Variants in GALNT2 observed in about 807,000 individuals in gnomAD.
GALNT2 encodes the protein polypeptide N-acetylgalactosaminyltransferase 2.
In GALNT2, 31 loss-of-function variants were observed where a neutral mutation model predicts 81.4. That is an observed-to-expected ratio of 0.38 (90% CI 0.29 to 0.51). The LOEUF is 0.51. GALNT2 is among the 20% of genes least tolerant of loss of function. The probability of loss-of-function intolerance (pLI) is 0.87; values close to 1 mark genes in which losing one functional copy is unlikely to be tolerated. For missense variants in GALNT2, 629 were observed against 765.7 expected (o/e 0.82, Z 2.11); for synonymous variants, 303 against 287.4 (o/e 1.05, Z -0.55).
intron 1 of GALNT2, among the ~76,000 whole-genome samples, chr1:230,169,536 A>T (rs1662725768): frequency 6.6e-6 from 1 of 152,208 alleles, no homozygotes; most frequent in Non-Finnish European, 1.5e-5. Flanking sequence ...TTTAAATAGG[A>T]GGATTTTTGT....
chr1:230,176,117 T>C (rs1430850046), intron 1 of GALNT2, among the ~76,000 whole-genome samples: 1 of 152,096 alleles, frequency 6.6e-6, no homozygotes, highest in East Asian at 1.9e-4. Flanking sequence ...GAACTCACCC[T>C]GCACTAGTTT....
At position 230,249,720 on chromosome 1, in the gene GALNT2, G is replaced by T. The variant is rs180857559; in HGVS notation, c.905+449G>T. ...CCCAGGCCGGGCGGTGGGCTTTCTGGTTGAGAGTCAGGATGCCTTCTCTAG... is the reference window on the plus strand; with the variant it reads ...CCCAGGCCGGGCGGTGGGCTTTCTGTTTGAGAGTCAGGATGCCTTCTCTAG... On this transcript the variant is annotated intron_variant, in intron 9 of 15. Coordinates refer to ENST00000366672, the MANE Select transcript of GALNT2 (RefSeq NM_004481.5). Among the ~76,000 whole-genome samples, 11 of 152,314 alleles carry T rather than the reference G, an allele frequency of 7.2e-5. No homozygotes were observed. The East Asian group carries it at 1.9e-3, about 27-fold the overall frequency.
At chr1:230,114,973 C>G (rs552591142) in intron 1 of GALNT2, among the ~76,000 whole-genome samples, 1 of 151,150 alleles carries the variant, frequency 6.6e-6, no homozygotes, top group African/African-American at 2.4e-5. Flanking sequence ...ATCCTTAAGT[C>G]TCCCAAGTCC....
chr1:230,243,500 C>G lies in GALNT2; in HGVS notation c.729+73C>G. 1.3e-6 allele frequency: 2 copies of G among 1,562,230 alleles called. No homozygotes were observed. Among genetic ancestry groups the G allele is most frequent in the Non-Finnish European group, 1.7e-6 (2 of 1,159,080 alleles). ...AGAGGGGACAGAAGGGAGCATGGTCCAGGGGAGGTGTAACGCAGGGAGTAG... is the reference window on the plus strand; with the variant it reads ...AGAGGGGACAGAAGGGAGCATGGTCGAGGGGAGGTGTAACGCAGGGAGTAG... On this transcript the variant is annotated intron_variant, in intron 7 of 15. Coordinates refer to ENST00000366672, the MANE Select transcript of GALNT2 (RefSeq NM_004481.5). This position sits in a 1 kb window ranked among gnomAD's most constrained non-coding sequence, Gnocchi z 4.2.
intron 1 of GALNT2, among the ~76,000 whole-genome samples, chr1:230,105,043 G>A (rs527783499): frequency 1.3e-5 from 2 of 152,330 alleles, no homozygotes; most frequent in East Asian, 3.9e-4. Flanking sequence ...CTCTGTTTGG[G>A]GCCCTTCCTG....
In GALNT2 at chr1:230,204,767, G is replaced by A. The variant is rs116768486; in HGVS notation, c.374+1477G>A. On this transcript the variant is annotated intron_variant, in intron 3 of 15. Coordinates refer to ENST00000366672, the MANE Select transcript of GALNT2 (RefSeq NM_004481.5). ...CTTGGTATATCTTCCTGCTAAGTTA[G>A]AGTCATTCATTCATCAGTGAATGGA... is the stretch of plus-strand genomic sequence containing the variant. Among the ~76,000 whole-genome samples the A allele has an allele frequency of 5.5e-3, 833 of 152,296 alleles. 7 individuals carry two copies. The highest frequency in any genetic ancestry group is 0.019 in the African/African-American group (795 of 41,544).
chr1:230,131,774 A>C (rs1021206810), intron 1 of GALNT2, among the ~76,000 whole-genome samples: 1 of 152,204 alleles, frequency 6.6e-6, no homozygotes, highest in African/African-American at 2.4e-5. Flanking sequence ...TGATCAACTC[A>C]GTATACCACT....
chr1:230,267,801 G>A (rs1014006164), intron 14 of GALNT2, among the ~76,000 whole-genome samples: 2 of 152,186 alleles, frequency 1.3e-5, no homozygotes, highest in East Asian at 3.9e-4. Flanking sequence ...CATCCCCACC[G>A]TGTCCATGCT....
intron 15 of GALNT2, among the ~76,000 whole-genome samples, chr1:230,277,712 G>T (rs1001641756): frequency 2.6e-5 from 4 of 152,144 alleles, no homozygotes; most frequent in Non-Finnish European, 5.9e-5. Context: ...CGCAGGTCGG[G>T]TCCCCAGCAC....
At chr1:230,061,536 A>G (rs1040332730) in intron 1 of GALNT2, among the ~76,000 whole-genome samples, 21 of 152,170 alleles carry the variant, frequency 1.4e-4, no homozygotes, top group African/African-American at 5.1e-4. Context: ...TTATTCATTT[A>G]TAATATAATT....
At chr1:230,120,279 C>T (rs1158537761) in intron 1 of GALNT2, among the ~76,000 whole-genome samples, 2 of 152,172 alleles carry the variant, frequency 1.3e-5, no homozygotes, top group Admixed American at 1.3e-4. Flanking sequence ...CCTGTCTTTT[C>T]TCAAAGTTCC....
intron 6 of GALNT2, among the ~76,000 whole-genome samples, chr1:230,238,079 C>G (rs1665087073): frequency 6.6e-6 from 1 of 152,132 alleles, no homozygotes; most frequent in South Asian, 2.1e-4. Flanking sequence ...TATGGAAAGC[C>G]TATATGGAAC....
intron 2 of GALNT2, among the ~76,000 whole-genome samples, chr1:230,186,540 A>G (rs141643633): frequency 5.3e-5 from 8 of 152,374 alleles, no homozygotes; most frequent in Non-Finnish European, 1.0e-4. Context: ...TGTTGTGTGG[A>G]TTAATGAGAG....
At chr1:230,149,329 G>C (rs927746458) in intron 1 of GALNT2, among the ~76,000 whole-genome samples, 1 of 152,194 alleles carries the variant, frequency 6.6e-6, no homozygotes, top group African/African-American at 2.4e-5. Flanking sequence ...GTGTGGTTGA[G>C]CACTGGGTTC....
In GALNT2 at chr1:230,193,007, G is replaced by A. The variant is rs528717293; in HGVS notation, c.221-10130G>A. ...GGTGTAGCATTATGACCTTCTAGAGGAAGAATATTAGGATTTTTTTTCTTT... is the reference window on the plus strand; with the variant it reads ...GGTGTAGCATTATGACCTTCTAGAGAAAGAATATTAGGATTTTTTTTCTTT... On this transcript the variant is annotated intron_variant, in intron 2 of 15. Transcript: ENST00000366672. The surrounding 1 kb of genome is among the most constrained non-coding windows in gnomAD (Gnocchi z 4.3). Among the ~76,000 whole-genome samples the A allele has an allele frequency of 6.6e-6, 1 of 152,306 alleles. No individual in the cohort carries two copies. Among genetic ancestry groups the A allele is most frequent in the East Asian group, 1.9e-4 (1 of 5,184 alleles).
At chr1:230,107,402 GTC>G (rs1469931297) in intron 1 of GALNT2, among the ~76,000 whole-genome samples, 2 of 152,116 alleles carry the variant, frequency 1.3e-5, no homozygotes, top group Non-Finnish European at 2.9e-5. Context: ...GCAAGATCCT[GTC>G]TCTACAAAAA....
chr1:230,200,062 CTTT>C (rs34212427), intron 2 of GALNT2, among the ~76,000 whole-genome samples: 12,662 of 113,262 alleles, frequency 0.11, 558 homozygotes, highest in South Asian at 0.15. Context: ...TCTTTTTTTT[CTTT>C]TTTTTTTTTT....
chr1:230,171,258 G>A (rs1041465895), intron 1 of GALNT2, among the ~76,000 whole-genome samples: 5 of 152,222 alleles, frequency 3.3e-5, no homozygotes, highest in African/African-American at 9.6e-5. Flanking sequence ...ATTTGCTTTC[G>A]AGTGAACAGT....
At chr1:230,248,962 G>A (rs2102746905) in intron 8 of GALNT2, among the ~76,000 whole-genome samples, 1 of 152,230 alleles carries the variant, frequency 6.6e-6, no homozygotes, top group Admixed American at 6.5e-5. Context: ...GGAGGGGCAG[G>A]GAGAAGATTT....
Sources: allele counts gnomAD v4.1 joint callset (sites outside exome capture counted in the v4.1 genomes callset), GRCh38; gene constraint gnomAD v4.1.1; non-coding constraint Gnocchi (gnomAD v3.1); transcripts MANE v1.5; gene names NCBI Gene and HGNC (gene_info 2026-07-23, HGNC 2026-07-21).